The following PATJ variants were observed in gnomAD, a reference collection of about 807,000 sequenced individuals.
The protein encoded by PATJ is PATJ crumbs cell polarity complex component.
PATJ carries 190 observed loss-of-function variants against 224.9 expected under a neutral mutation model. The observed-to-expected ratio is 0.84, with a 90% CI of 0.75 to 0.95. PATJ has a LOEUF of 0.95. Ranked by LOEUF, PATJ falls within the 40% of genes least tolerant of loss-of-function variation. The pLI, the probability that PATJ is intolerant of heterozygous loss-of-function variation, is 0.00. For missense variants in PATJ, 2,121 were observed against 2,270.3 expected, an observed-to-expected ratio of 0.93 and a Z score of 1.34; for synonymous variants, 769 against 820.3, an observed-to-expected ratio of 0.94 and a Z score of 1.07.
At chr1:61,868,788 C>CA (rs529454427) in intron 20 of PATJ, among the ~76,000 whole-genome samples, 30 of 145,844 alleles carry the variant, frequency 2.1e-4, no homozygotes, top group African/African-American at 5.3e-4. Context: ...GACTCCGTCT[C>CA]AAAAAAAAAA....
At chr1:61,976,793 AG>A (rs1644159686) in intron 27 of PATJ, among the ~76,000 whole-genome samples, 1 of 152,058 alleles carries the variant, frequency 6.6e-6, no homozygotes, top group South Asian at 2.1e-4. Context: ...ATGTTCTCCC[AG>A]GTTCAGTAAT....
intron 20 of PATJ, 84 bp downstream of exon 20, chr1:61,864,717 T>C: frequency 3.1e-6 from 4 of 1,292,942 alleles, no homozygotes; most frequent in South Asian, 3.0e-5. Flanking sequence ...ACTTCAATGT[T>C]GTTTGTTTTT....
chr1:61,749,161 C>A (rs893455011), intron 1 of PATJ, among the ~76,000 whole-genome samples: 4 of 148,256 alleles, frequency 2.7e-5, no homozygotes, highest in African/African-American at 5.0e-5. Context: ...TTTTTTTAAA[C>A]AGAGTTTTGC....
chr1:61,950,351 A>AG (rs1227342509), intron 27 of PATJ, among the ~76,000 whole-genome samples: 117 of 152,294 alleles, frequency 7.7e-4, no homozygotes, highest in African/African-American at 2.5e-3. Context: ...TTTGCCCCAA[A>AG]CCACTAAATT....
rs1473171603 is a variant in PATJ at position 61,816,735 on chromosome 1, A to G, written c.1684-6210A>G. On this transcript the variant is annotated intron_variant, in intron 14 of 43. Transcript: ENST00000642238. Reference sequence around the variant, plus strand: ...TCTCATCCACAGAAGCAATGCTGTTATCAGTTCTCCAGGATGTAATTTTAT... The same window carrying G: ...TCTCATCCACAGAAGCAATGCTGTTGTCAGTTCTCCAGGATGTAATTTTAT... 2.6e-5 allele frequency among the ~76,000 whole-genome samples: 4 copies of G among 152,194 alleles called. No individual in the cohort carries two copies. In the East Asian group the frequency reaches 7.7e-4, roughly 29 times the overall value.
At chr1:62,155,111 C>A (rs1177021415) in intron 43 of PATJ, among the ~76,000 whole-genome samples, 2 of 152,154 alleles carry the variant, frequency 1.3e-5, no homozygotes, top group Non-Finnish European at 2.9e-5. Flanking sequence ...TTATACTTTG[C>A]TTTTGAAATA....
At chr1:61,814,519 A>AGTGTGT (rs67159092) in intron 14 of PATJ, among the ~76,000 whole-genome samples, 5,653 of 143,982 alleles carry the variant, frequency 0.039, 145 homozygotes, top group Non-Finnish European at 0.049. Flanking sequence ...CCTTTTGTTT[A>AGTGTGT]GTGTGTGTGT....
chr1:62,010,078 C>CAAA (rs34658070), intron 28 of PATJ, among the ~76,000 whole-genome samples: 13,952 of 83,720 alleles, frequency 0.17, 1,070 homozygotes, highest in Non-Finnish European at 0.26. Flanking sequence ...GACTCCATCT[C>CAAA]AAAAAAAAAA....
chr1:61,919,478 T>C (rs553892177), intron 26 of PATJ, among the ~76,000 whole-genome samples: 1 of 144,086 alleles, frequency 6.9e-6, no homozygotes, highest in Admixed American at 6.9e-5. Context: ...TAGTTTTTTG[T>C]ATTTTTTTTT....
Position 62,128,946 on chromosome 1 carries a change from G to T in PATJ, c.5271+1G>T. The T allele has an allele frequency of 1.9e-6, 3 of 1,591,658 alleles. No individual in the cohort carries two copies. The highest frequency in any genetic ancestry group is 2.2e-5 in the East Asian group (1 of 44,628). Reference sequence around the variant, plus strand: ...CGCCTACGGGCGCATTATCCTGCAGGTATTGCGATCAACGGAGCACGCAGC... The same window carrying T: ...CGCCTACGGGCGCATTATCCTGCAGTTATTGCGATCAACGGAGCACGCAGC... On this transcript the variant is annotated splice_donor_variant, in intron 41 of 43. Coordinates refer to ENST00000642238, the MANE Select transcript of PATJ (RefSeq NM_001350145.3). LOFTEE classifies it high-confidence loss of function.
At chr1:61,800,759 G>A (rs1652308367) in intron 11 of PATJ, among the ~76,000 whole-genome samples, 1 of 152,020 alleles carries the variant, frequency 6.6e-6, no homozygotes, top group African/African-American at 2.4e-5. Context: ...GCCCCGGTGT[G>A]TGATGTTCCC....
At chr1:62,093,101 C>G (rs943997943) in intron 33 of PATJ, among the ~76,000 whole-genome samples, 1 of 152,032 alleles carries the variant, frequency 6.6e-6, no homozygotes, top group African/African-American at 2.4e-5. Context: ...TTTCAATCAC[C>G]TGATTTAATA....
At chr1:62,126,658 T>C (rs1299767703) in intron 39 of PATJ, among the ~76,000 whole-genome samples, 1 of 152,262 alleles carries the variant, frequency 6.6e-6, no homozygotes, top group South Asian at 2.1e-4. Flanking sequence ...CTGTTGTCAC[T>C]ACAGTGGGTG....
chr1:62,085,924 A>G (rs964076427), intron 33 of PATJ, among the ~76,000 whole-genome samples: 1 of 150,150 alleles, frequency 6.7e-6, no homozygotes, highest in Non-Finnish European at 1.5e-5. Flanking sequence ...AATTTTTTTT[A>G]GAAGTCGGTG....
chr1:61,919,787 T>A (rs563381673), intron 26 of PATJ, among the ~76,000 whole-genome samples: 9 of 152,332 alleles, frequency 5.9e-5, no homozygotes, highest in African/African-American at 9.6e-5. Flanking sequence ...GAATATTTTT[T>A]AAAATCTTTT....
At chr1:61,773,168 C>T (rs771989668) in intron 6 of PATJ, among the ~76,000 whole-genome samples, 8 of 151,944 alleles carry the variant, frequency 5.3e-5, no homozygotes, top group Admixed American at 3.3e-4. Context: ...TTTACAGGCA[C>T]GTGCCAACAC....
intron 14 of PATJ, among the ~76,000 whole-genome samples, chr1:61,819,756 G>A (rs139146902): frequency 3.0e-4 from 45 of 152,238 alleles, no homozygotes; most frequent in African/African-American, 7.5e-4. Flanking sequence ...GCACAGTAGC[G>A]CTTCAATGCT....
At chr1:62,130,232 A>C (rs1666122468) in intron 41 of PATJ, among the ~76,000 whole-genome samples, 1 of 152,132 alleles carries the variant, frequency 6.6e-6, no homozygotes. Context: ...TACTCAAGAG[A>C]CTGAAGCAGG....
At chr1:62,068,149 C>A (rs1367856311) in intron 31 of PATJ, among the ~76,000 whole-genome samples, 1 of 152,204 alleles carries the variant, frequency 6.6e-6, no homozygotes, top group Non-Finnish European at 1.5e-5. Flanking sequence ...GGCTCCCTTG[C>A]AGCCTGATGC....
Sources: allele counts gnomAD v4.1 joint callset (sites outside exome capture counted in the v4.1 genomes callset), GRCh38; gene constraint gnomAD v4.1.1; transcripts MANE v1.5; gene names NCBI Gene and HGNC (gene_info 2026-07-23, HGNC 2026-07-21).